The following MID2 variants were observed in gnomAD, a reference collection of about 807,000 sequenced individuals.
MID2 encodes probable E3 ubiquitin-protein ligase MID2.
MID2 carries 13 observed loss-of-function variants against 46.1 expected under a neutral mutation model. The observed-to-expected ratio is 0.28, with a 90% CI of 0.18 to 0.45. MID2 has a LOEUF of 0.45. MID2 is among the 20% of genes least tolerant of loss of function. MID2 has a pLI of 1.00. For synonymous variants in MID2, 199 were observed against 212.3 expected, an observed-to-expected ratio of 0.94 and a Z score of 0.55; for missense variants, 431 against 575.4, an observed-to-expected ratio of 0.75 and a Z score of 2.57.
chrX:107,923,367 C>T (rs1409074925), intron 7 of MID2, among the ~76,000 whole-genome samples: 4 of 111,597 alleles, frequency 3.6e-5, no homozygotes, highest in African/African-American at 6.5e-5. Flanking sequence ...TTTCTTTTAC[C>T]GAAAGCTTGC....
chrX:107,916,071 CTT>C lies in MID2; in HGVS notation c.1145_1146del (p.Phe382CysfsTer35). ...TCAATTTTAATGATGCCTTTGAAAA[CTT>C]TGCTTTAGATTTTTCCAGAGAAAAG... The part of the protein sequence containing the change: ...DINFNDAFEN[F>X]ALDFSREKKL... On this transcript the variant is annotated frameshift_variant, in exon 6 of 10. Coordinates refer to ENST00000262843, the MANE Select transcript of MID2 (RefSeq NM_012216.4). LOFTEE classifies it high-confidence loss of function. 1 of 1,204,438 alleles carries C rather than the reference CTT, an allele frequency of 8.3e-7. No individual in the cohort carries two copies.
rs371910187 is a variant in MID2, at chrX:107,854,561, T to A, written c.721-48T>A. 10 of 932,999 alleles carry A rather than the reference T, an allele frequency of 1.1e-5. No homozygotes were observed. The African/African-American group carries it at 1.9e-4, about 18-fold the overall frequency. 76.9% of individuals were successfully genotyped at this position (932,999 alleles called of 1,213,427 possible). ...GGTTCTCAAGCTCATGGTTCTTTTT[T>A]CCCCTCTTCTCGGTTCCCCTCTGGA... is the stretch of plus-strand genomic sequence containing the variant. On this transcript the variant is annotated intron_variant, in intron 2 of 9. Transcript: ENST00000262843.
intron 1 of MID2, among the ~76,000 whole-genome samples, chrX:107,833,411 T>TTATATATA (rs200944691): frequency 1.1e-5 from 1 of 93,948 alleles, no homozygotes; most frequent in Admixed American, 1.1e-4. Context: ...AATGTTTATT[T>TTATATATA]TATATATATA....
intron 7 of MID2, among the ~76,000 whole-genome samples, chrX:107,919,700 G>C (rs1317068255): frequency 1.8e-5 from 2 of 111,645 alleles, no homozygotes; most frequent in African/African-American, 6.5e-5. Flanking sequence ...TCCCAAAGTG[G>C]TCTGAGCACT....
rs577124775 is a variant in MID2 at position 107,843,962 on chromosome X, C to G, written c.720+2577C>G. On this transcript the variant is annotated intron_variant, in intron 2 of 9. Transcript: ENST00000262843. ...TCCTGTAGGAGATATATACTATACC[C>G]TATCATTCTTCCCCATACTATCATT... 1.5e-4 allele frequency among the ~76,000 whole-genome samples: 16 copies of G among 109,670 alleles called. No individual in the cohort carries two copies. In the Admixed American group the frequency reaches 1.5e-3, roughly 10 times the overall value.
At chrX:107,829,508 A>G (rs150177221) in intron 1 of MID2, among the ~76,000 whole-genome samples, 2 of 112,657 alleles carry the variant, frequency 1.8e-5, no homozygotes, top group Non-Finnish European at 3.7e-5. Flanking sequence ...GCAGTTTGTT[A>G]GCTTCTAATG....
chrX:107,889,592 G>A (rs777450601), intron 3 of MID2, among the ~76,000 whole-genome samples: 1 of 110,827 alleles, frequency 9.0e-6, no homozygotes, highest in Non-Finnish European at 1.9e-5. Flanking sequence ...TGACAATTAT[G>A]TGTCTTGGAG....
At chrX:107,845,020 G>A (rs920630155) in intron 2 of MID2, among the ~76,000 whole-genome samples, 8 of 111,681 alleles carry the variant, frequency 7.2e-5, no homozygotes, top group African/African-American at 2.6e-4. Context: ...AGTGCCTATA[G>A]CTTGCTTTGG....
chrX:107,922,749 C>T (rs1175572695), intron 7 of MID2, among the ~76,000 whole-genome samples: 1 of 111,739 alleles, frequency 8.9e-6, no homozygotes, highest in Non-Finnish European at 1.9e-5. Context: ...TTGGAATTTG[C>T]TTTTTTCAAT....
At chrX:107,892,379 C>T (rs750115561) in intron 3 of MID2, among the ~76,000 whole-genome samples, 12 of 111,919 alleles carry the variant, frequency 1.1e-4, no homozygotes, top group Non-Finnish European at 1.9e-4. Context: ...CTGTGCAAAC[C>T]TCTATTAGAC....
At chrX:107,888,271 A>T (rs1312199400) in intron 3 of MID2, among the ~76,000 whole-genome samples, 2 of 111,833 alleles carry the variant, frequency 1.8e-5, no homozygotes, top group Non-Finnish European at 3.8e-5. Context: ...TAGTGCTATA[A>T]ATTTCCCTCT....
intron 3 of MID2, among the ~76,000 whole-genome samples, chrX:107,870,992 C>T (rs1932052326): frequency 9.1e-6 from 1 of 109,355 alleles, no homozygotes; most frequent in African/African-American, 3.3e-5. Flanking sequence ...AGTGAATTTC[C>T]TCCTTCTATT....
At chrX:107,884,728 A>T (rs772997665) in intron 3 of MID2, among the ~76,000 whole-genome samples, 22 of 112,598 alleles carry the variant, frequency 2.0e-4, no homozygotes, top group African/African-American at 6.8e-4. Context: ...ATTAGAATGG[A>T]ACATGGCAGA....
chrX:107,830,041 T>C (rs1386840023), intron 1 of MID2, among the ~76,000 whole-genome samples: 1 of 112,154 alleles, frequency 8.9e-6, no homozygotes, highest in Non-Finnish European at 1.9e-5. Flanking sequence ...AGCCTGTCCA[T>C]TCCTTCATCC....
At chrX:107,875,410 G>C (rs769578970) in intron 3 of MID2, among the ~76,000 whole-genome samples, 6 of 111,531 alleles carry the variant, frequency 5.4e-5, no homozygotes, top group African/African-American at 1.6e-4. Flanking sequence ...AGGAGGCCCT[G>C]CAACCTTGTT....
intron 1 of MID2, among the ~76,000 whole-genome samples, chrX:107,839,144 T>A (rs758855021): frequency 1.7e-4 from 19 of 110,964 alleles, no homozygotes; most frequent in African/African-American, 5.2e-4. Flanking sequence ...ATGCCCTTTT[T>A]CTTTCCTATA....
chrX:107,892,398 CT>C (rs1210940716), intron 3 of MID2, among the ~76,000 whole-genome samples: 2 of 111,935 alleles, frequency 1.8e-5, no homozygotes, highest in African/African-American at 6.5e-5. Flanking sequence ...ACTGCTTGCT[CT>C]TCCATGAAGG....
chrX:107,908,696 T>TAA (rs770825707), intron 5 of MID2, among the ~76,000 whole-genome samples: 2,158 of 66,958 alleles, frequency 0.032, 105 homozygotes, highest in African/African-American at 0.1. Context: ...AGATTCCATC[T>TAA]AAAAAAAAAA....
At chrX:107,890,447 G>A (rs1932572674) in intron 3 of MID2, among the ~76,000 whole-genome samples, 1 of 112,041 alleles carries the variant, frequency 8.9e-6, no homozygotes, top group Non-Finnish European at 1.9e-5. Flanking sequence ...TTGGTGAACA[G>A]CAGATGTTGC....
Sources: allele counts gnomAD v4.1 joint callset (sites outside exome capture counted in the v4.1 genomes callset), GRCh38; gene constraint gnomAD v4.1.1; transcripts MANE v1.5; gene names NCBI Gene and HGNC (gene_info 2026-07-23, HGNC 2026-07-21).